CACNB4: variants seen among roughly 807,000 people sequenced by gnomAD.
The protein encoded by CACNB4 is calcium voltage-gated channel auxiliary subunit beta 4.
In CACNB4, 32 loss-of-function variants were observed where a neutral mutation model predicts 71.2. The ratio of observed to expected loss-of-function variants is 0.45; its 90% CI spans 0.34 to 0.60. The LOEUF (loss-of-function observed/expected upper bound fraction) is 0.60, where lower values mean the gene tolerates loss of function less well. Among genes scored for constraint, CACNB4 ranks in the 20% least tolerant of loss-of-function variants. CACNB4 has a pLI of 0.01. For synonymous variants in CACNB4, 231 were observed against 236.9 expected (o/e 0.97, Z 0.23); for missense variants, 464 against 647.9 (o/e 0.72, Z 3.08).
At chr2:151,930,742 C>T (rs1326476102) in intron 2 of CACNB4, among the ~76,000 whole-genome samples, 1 of 151,774 alleles carries the variant, frequency 6.6e-6, no homozygotes, top group Admixed American at 6.6e-5. Context: ...ACTCTATACT[C>T]CTTTATTTTT....
chr2:151,949,818 G>T (rs1433127077), intron 2 of CACNB4, among the ~76,000 whole-genome samples: 2 of 152,270 alleles, frequency 1.3e-5, no homozygotes, highest in South Asian at 4.1e-4. Flanking sequence ...GGAGGCTGAG[G>T]CGGTGGATCA....
At chr2:152,072,734 G>A (rs1212782466) in intron 2 of CACNB4, among the ~76,000 whole-genome samples, 3 of 151,184 alleles carry the variant, frequency 2.0e-5, no homozygotes, top group East Asian at 3.9e-4. Flanking sequence ...TCCGCCTCCC[G>A]GTTTCACACC....
At chr2:151,966,684 C>T (rs984105875) in intron 2 of CACNB4, among the ~76,000 whole-genome samples, 1 of 152,270 alleles carries the variant, frequency 6.6e-6, no homozygotes, top group East Asian at 1.9e-4. Context: ...CACCTGTCAA[C>T]CACTATAAGA....
At chr2:152,052,433 G>T (rs1219194683) in intron 2 of CACNB4, among the ~76,000 whole-genome samples, 1 of 151,990 alleles carries the variant, frequency 6.6e-6, no homozygotes, top group African/African-American at 2.4e-5. Flanking sequence ...TAAGTAGCTG[G>T]GACTACAGGC....
intron 2 of CACNB4, among the ~76,000 whole-genome samples, chr2:152,080,730 C>A (rs1372990656): frequency 6.6e-6 from 1 of 152,122 alleles, no homozygotes; most frequent in Non-Finnish European, 1.5e-5. Context: ...GAAATGTGAT[C>A]CCCAATGTTA....
chr2:151,870,447 A>T, intron 8 of CACNB4, 84 bp downstream of exon 8: 1 of 1,166,046 alleles, frequency 8.6e-7, no homozygotes, highest in South Asian at 1.3e-5. Context: ...CCACGTGGAA[A>T]CAGACCCTTG....
chr2:152,044,061 T>G (rs1488807789), intron 2 of CACNB4, among the ~76,000 whole-genome samples: 1 of 152,080 alleles, frequency 6.6e-6, no homozygotes, highest in Non-Finnish European at 1.5e-5. Context: ...TTTCAAAATC[T>G]TTCAAAAACC....
At chr2:152,084,889 T>C (rs1560189479) in intron 2 of CACNB4, among the ~76,000 whole-genome samples, 1 of 151,964 alleles carries the variant, frequency 6.6e-6, no homozygotes, top group Non-Finnish European at 1.5e-5. Context: ...CTTCCCAAAG[T>C]GCTGGGATTA....
intron 12 of CACNB4, among the ~76,000 whole-genome samples, chr2:151,845,646 T>C (rs1040556318): frequency 6.6e-6 from 1 of 152,234 alleles, no homozygotes; most frequent in Non-Finnish European, 1.5e-5. Flanking sequence ...AGAGAGCTCC[T>C]AATCAGCAGA....
intron 2 of CACNB4, among the ~76,000 whole-genome samples, chr2:151,900,974 CT>C (rs1328818478): frequency 8.5e-5 from 11 of 129,834 alleles, no homozygotes; most frequent in East Asian, 2.5e-4. Context: ...ATTTTCTTTT[CT>C]TTTCTTTCTT....
intron 2 of CACNB4, among the ~76,000 whole-genome samples, chr2:151,976,131 C>T (rs1052482355): frequency 3.3e-5 from 5 of 152,208 alleles, no homozygotes; most frequent in African/African-American, 9.7e-5. Context: ...GGCACTGGAT[C>T]ACATATAGCA....
At position 152,068,265 on chromosome 2, in the gene CACNB4, G is replaced by A. The variant is rs185906981; in HGVS notation, c.147+30065C>T. ...ACTCTCCCTTCCTCTTGCTAGAGGA[G>A]AGCAATATCCCCTTGCCTAGAGACC... is the stretch of plus-strand genomic sequence containing the variant. On this transcript the variant is annotated intron_variant, in intron 2 of 13. Transcript: ENST00000539935. Among the ~76,000 whole-genome samples, 258 of 152,242 alleles carry A rather than the reference G, an allele frequency of 1.7e-3. 1 individual carries two copies. The highest frequency in any genetic ancestry group is 3.4e-3 in the Middle Eastern group (1 of 294).
At chr2:151,934,011 A>C (rs1424946708) in intron 2 of CACNB4, among the ~76,000 whole-genome samples, 1 of 147,784 alleles carries the variant, frequency 6.8e-6, no homozygotes, top group African/African-American at 2.5e-5. Flanking sequence ...GAGAGTTATA[A>C]GGTGCCTGAG....
At chr2:151,945,281 C>A (rs982085278) in intron 2 of CACNB4, among the ~76,000 whole-genome samples, 2 of 152,248 alleles carry the variant, frequency 1.3e-5, no homozygotes, top group Non-Finnish European at 2.9e-5. Flanking sequence ...ACAGGTAGAA[C>A]AGGCAGACTC....
intron 2 of CACNB4, among the ~76,000 whole-genome samples, chr2:151,943,485 T>A (rs1217886720): frequency 6.6e-6 from 1 of 151,872 alleles, no homozygotes; most frequent in African/African-American, 2.4e-5. Context: ...TTGGATAAGA[T>A]GGAGTAAGTA....
Position 151,836,863 on chromosome 2 carries a change from T to C in CACNB4, c.*2256A>G, listed in dbSNP as rs969450994. On this transcript the variant is annotated 3_prime_UTR_variant, in exon 14 of 14. Coordinates refer to ENST00000539935, the MANE Select transcript of CACNB4 (RefSeq NM_000726.5). ...TAAAGTAGTTAAATGACCAAACTGC[T>C]AATGCTACTACAGAAAAAGCTGAAC... 2.6e-5 allele frequency: 4 copies of C among 152,032 alleles called. No homozygotes were observed. The highest frequency in any genetic ancestry group is 5.9e-5 in the Non-Finnish European group (4 of 67,862). 9.4% of individuals were successfully genotyped at this position (152,032 alleles called of 1,614,324 possible).
At chr2:152,000,867 C>A (rs918750653) in intron 2 of CACNB4, among the ~76,000 whole-genome samples, 1 of 152,132 alleles carries the variant, frequency 6.6e-6, no homozygotes, top group African/African-American at 2.4e-5. Context: ...CAGAAAAGTG[C>A]GCGGGCTCTT....
chr2:151,918,683 A>C (rs944959430), intron 2 of CACNB4, among the ~76,000 whole-genome samples: 9 of 152,174 alleles, frequency 5.9e-5, no homozygotes, highest in African/African-American at 2.2e-4. Context: ...ATGCAGGTTG[A>C]GAGTTCAAGG....
rs545723882 is a variant in CACNB4 at position 152,006,505 on chromosome 2, C to T, written c.147+91825G>A. 6.1e-4 allele frequency among the ~76,000 whole-genome samples: 92 copies of T among 150,970 alleles called. 1 individual carries two copies. In the South Asian group the frequency reaches 7.1e-3, roughly 12 times the overall value. On this transcript the variant is annotated intron_variant, in intron 2 of 13. Coordinates refer to ENST00000539935, the MANE Select transcript of CACNB4 (RefSeq NM_000726.5). The stretch of plus-strand genomic sequence containing the variant: ...GAAACCTCCGCCTCCTGGGTTCAAG[C>T]GATTCATGCCTCAGCCTCCCAAGTA...
Sources: gnomAD v4.1 joint callset for allele counts (sites outside exome capture counted in the v4.1 genomes callset) on GRCh38, gnomAD v4.1.1 for gene constraint, MANE v1.5 for transcripts, NCBI Gene and HGNC (gene_info 2026-07-23, HGNC 2026-07-21) for gene names.